Variants in ARHGAP18 observed in about 807,000 individuals in gnomAD.
ARHGAP18 encodes the protein Rho GTPase activating protein 18.
In ARHGAP18, 67 loss-of-function variants were observed where a neutral mutation model predicts 86.2. The observed-to-expected ratio is 0.78, with a 90% CI of 0.64 to 0.95. ARHGAP18 has a LOEUF of 0.95. Ranked by LOEUF, ARHGAP18 falls within the 40% of genes least tolerant of loss-of-function variation. ARHGAP18 has a pLI of 0.00. For synonymous variants in ARHGAP18, 283 were observed against 280.4 expected (o/e 1.01, Z -0.09); for missense variants, 691 against 780.4 (o/e 0.89, Z 1.37).
At chr6:129,653,719 C>T (rs1773763649) in intron 1 of ARHGAP18, among the ~76,000 whole-genome samples, 1 of 151,968 alleles carries the variant, frequency 6.6e-6, no homozygotes, top group Admixed American at 6.6e-5. Context: ...TGAATGCAAG[C>T]AGCCTAAAAG....
chr6:129,710,013 C>T lies in ARHGAP18; in HGVS notation c.113+11G>A. On this transcript the variant is annotated intron_variant, in intron 1 of 14. Transcript: ENST00000368149. ...AGGGTTTTGTTTTGTTTTCAGCTTC[C>T]GAAGGCTTACCTCGAGGTGGCTTCC... is the stretch of plus-strand genomic sequence containing the variant. 1.2e-6 allele frequency: 2 copies of T among 1,609,550 alleles called. No individual in the cohort carries two copies. The highest frequency in any genetic ancestry group is 2.2e-5 in the East Asian group (1 of 44,858).
At chr6:129,613,622 T>C (rs1789030158) in intron 7 of ARHGAP18, among the ~76,000 whole-genome samples, 1 of 152,208 alleles carries the variant, frequency 6.6e-6, no homozygotes, top group Non-Finnish European at 1.5e-5. Flanking sequence ...GTCCTTTTCA[T>C]TATTCTCTAA....
chr6:129,584,148 A>T (rs748939763), intron 12 of ARHGAP18, 36 bp from the exon 13 acceptor site: 1 of 1,612,252 alleles, frequency 6.2e-7, no homozygotes, highest in African/African-American at 1.3e-5. Context: ...CAAAGCTGGC[A>T]GCAGCTGGAA....
chr6:129,608,230 T>A (rs546935822), intron 8 of ARHGAP18, among the ~76,000 whole-genome samples, 178 bp from the exon 9 acceptor site: 13 of 152,058 alleles, frequency 8.5e-5, no homozygotes, highest in Non-Finnish European at 1.6e-4. Flanking sequence ...TCCTCTCCTC[T>A]AATCCAAATG....
chr6:129,619,530 T>G (rs1455235086), intron 5 of ARHGAP18, among the ~76,000 whole-genome samples: 2 of 41,542 alleles, frequency 4.8e-5, no homozygotes, highest in Non-Finnish European at 9.5e-5. Context: ...GAAAAGGAGA[T>G]GAGAAGGGGA....
chr6:129,607,812 T>C (rs1197246892), intron 9 of ARHGAP18, 81 bp downstream of exon 9: 1 of 1,418,454 alleles, frequency 7.0e-7, no homozygotes. Flanking sequence ...GGTTGCGTTC[T>C]TTGTGATGCC....
At chr6:129,613,219 C>A (rs377273959) in intron 7 of ARHGAP18, among the ~76,000 whole-genome samples, 1 of 134,582 alleles carries the variant, frequency 7.4e-6, no homozygotes, top group Non-Finnish European at 1.5e-5. Flanking sequence ...GGCGACAGAG[C>A]GAGACTCTGT....
intron 1 of ARHGAP18, among the ~76,000 whole-genome samples, chr6:129,658,115 A>G (rs1337444261): frequency 6.6e-6 from 1 of 152,252 alleles, no homozygotes; most frequent in Non-Finnish European, 1.5e-5. Flanking sequence ...TCACCGTGTG[A>G]GCATGGCTGA....
At chr6:129,625,774 T>C (rs1356244455) in intron 5 of ARHGAP18, among the ~76,000 whole-genome samples, 3 of 55,164 alleles carry the variant, frequency 5.4e-5, no homozygotes, top group African/African-American at 2.0e-4. Flanking sequence ...ATTATATATA[T>C]TTATATATAT....
At chr6:129,637,175 T>C (rs1275325373) in intron 3 of ARHGAP18, among the ~76,000 whole-genome samples, 2 of 152,010 alleles carry the variant, frequency 1.3e-5, no homozygotes, top group African/African-American at 2.4e-5. Flanking sequence ...AGCAATCCTC[T>C]GGCCTCAGCC....
chr6:129,622,623 G>C (rs1315232606), intron 5 of ARHGAP18, among the ~76,000 whole-genome samples: 2 of 149,532 alleles, frequency 1.3e-5, no homozygotes, highest in African/African-American at 4.9e-5. Flanking sequence ...TTAGTTAATA[G>C]ACTGAATGGT....
Position 129,583,916 on chromosome 6 carries a change from C to T in ARHGAP18, c.1838+72G>A. 7 of 1,512,558 alleles carry T rather than the reference C, an allele frequency of 4.6e-6. No homozygotes were observed. In the South Asian group the frequency reaches 7.7e-5, roughly 17 times the overall value. The allele number at this position is 1,512,558 out of a possible 1,614,324, so 93.7% of individuals were successfully genotyped here. The stretch of plus-strand genomic sequence containing the variant: ...AAAAAAAAAAAAAAGGAAGAAGAAG[C>T]AGCAGCGAAGGCGAGAGAGAGAGAG... On this transcript the variant is annotated intron_variant, in intron 13 of 14. Transcript: ENST00000368149.
At chr6:129,657,345 A>G (rs1035312133) in intron 1 of ARHGAP18, among the ~76,000 whole-genome samples, 29 of 151,926 alleles carry the variant, frequency 1.9e-4, no homozygotes, top group African/African-American at 7.0e-4. Flanking sequence ...AGTAGTAACT[A>G]CTGATCAAAG....
At chr6:129,587,701 A>AC (rs1397335531) in intron 12 of ARHGAP18, among the ~76,000 whole-genome samples, 1 of 151,984 alleles carries the variant, frequency 6.6e-6, no homozygotes, top group Non-Finnish European at 1.5e-5. Flanking sequence ...AAGGGTTACC[A>AC]CCCCCATGAT....
chr6:129,581,165 GAA>G (rs1788278855), intron 13 of ARHGAP18, among the ~76,000 whole-genome samples: 1 of 152,188 alleles, frequency 6.6e-6, no homozygotes, highest in South Asian at 2.1e-4. Flanking sequence ...ACTGAGAAGA[GAA>G]AATCAGGTCT....
intron 1 of ARHGAP18, among the ~76,000 whole-genome samples, chr6:129,704,800 C>T (rs1430872385): frequency 2.6e-5 from 4 of 152,234 alleles, no homozygotes; most frequent in Middle Eastern, 3.4e-3. Context: ...TGCTCAAAAC[C>T]CACTCCCTCA....
intron 1 of ARHGAP18, among the ~76,000 whole-genome samples, chr6:129,674,992 G>A (rs763696646): frequency 1.3e-5 from 2 of 152,126 alleles, no homozygotes; most frequent in Non-Finnish European, 2.9e-5. Context: ...ACAGCCATGA[G>A]GGAACACAAT....
At chr6:129,589,898 C>G (rs1349321540) in intron 12 of ARHGAP18, among the ~76,000 whole-genome samples, 2 of 152,180 alleles carry the variant, frequency 1.3e-5, no homozygotes, top group African/African-American at 4.8e-5. Flanking sequence ...CAGTCTGTGG[C>G]TGAAGGTCAG....
intron 1 of ARHGAP18, among the ~76,000 whole-genome samples, chr6:129,673,829 C>T (rs1484962840): frequency 2.0e-5 from 3 of 152,128 alleles, no homozygotes; most frequent in Non-Finnish European, 4.4e-5. Flanking sequence ...ATTTTAAATA[C>T]AACTGCAATG....
Sources: allele counts gnomAD v4.1 joint callset (sites outside exome capture counted in the v4.1 genomes callset), GRCh38; gene constraint gnomAD v4.1.1; transcripts MANE v1.5; gene names NCBI Gene and HGNC (gene_info 2026-07-23, HGNC 2026-07-21).